The following PTPRK variants were observed in gnomAD, a reference collection of about 807,000 sequenced individuals.
PTPRK encodes protein tyrosine phosphatase receptor type K, also known as receptor-type tyrosine-protein phosphatase kappa.
A neutral mutation model predicts 178.0 loss-of-function variants in PTPRK; 75 were observed. The observed-to-expected ratio is 0.42, with a 90% CI of 0.35 to 0.51. The LOEUF (loss-of-function observed/expected upper bound fraction) is 0.51, where lower values mean the gene tolerates loss of function less well. Among genes scored for constraint, PTPRK ranks in the 20% least tolerant of loss-of-function variants. PTPRK has a pLI of 0.02. For synonymous variants in PTPRK, 637 were observed against 620.6 expected (o/e 1.03, Z -0.39); for missense variants, 1,441 against 1,797.8 (o/e 0.80, Z 3.59).
intron 6 of PTPRK, among the ~76,000 whole-genome samples, chr6:128,190,191 T>C (rs377099603): frequency 4.3e-4 from 66 of 152,282 alleles, no homozygotes; most frequent in African/African-American, 1.5e-3. Flanking sequence ...AGGTTTCTCC[T>C]ACACTGCCAG....
chr6:128,233,404 C>T (rs891723345), intron 5 of PTPRK, among the ~76,000 whole-genome samples: 3 of 152,226 alleles, frequency 2.0e-5, no homozygotes, highest in African/African-American at 2.4e-5. Flanking sequence ...ACAGGTAACG[C>T]ACTATGTGGT....
intron 3 of PTPRK, 80 bp from the exon 4 acceptor site, chr6:128,242,682 G>A: frequency 6.6e-7 from 1 of 1,511,600 alleles, no homozygotes; most frequent in Non-Finnish European, 8.8e-7. Flanking sequence ...CTAAATATAT[G>A]CAAAAGTAAA....
At chr6:128,204,852 T>C (rs1806637824) in intron 6 of PTPRK, among the ~76,000 whole-genome samples, 1 of 152,182 alleles carries the variant, frequency 6.6e-6, no homozygotes, top group African/African-American at 2.4e-5. Context: ...GAAGACAGTG[T>C]GGCAATTCCT....
At chr6:128,335,313 C>T (rs1830767734) in intron 2 of PTPRK, among the ~76,000 whole-genome samples, 1 of 151,924 alleles carries the variant, frequency 6.6e-6, no homozygotes, top group Admixed American at 6.6e-5. Flanking sequence ...CAAAGGAAAA[C>T]ATCTTTTCAT....
rs183939165 is a variant in PTPRK, at chr6:128,412,028, T to A, written c.101-14340A>T. Among the ~76,000 whole-genome samples the A allele has an allele frequency of 5.7e-3, 863 of 152,368 alleles. 5 individuals are homozygous for A. The highest frequency in any genetic ancestry group is 8.5e-3 in the Non-Finnish European group (581 of 68,034). ...TTCATAATGTCTAAATAATACTGTT[T>A]GTTTTCCTCTGTATGTGTGTAAAAT... On this transcript the variant is annotated intron_variant, in intron 1 of 29. Transcript: ENST00000368226.
At chr6:128,193,688 TAAG>T (rs1389817229) in intron 6 of PTPRK, among the ~76,000 whole-genome samples, 1 of 152,180 alleles carries the variant, frequency 6.6e-6, no homozygotes, top group Non-Finnish European at 1.5e-5. Flanking sequence ...AGTGCTGAAA[TAAG>T]AAGAATCATT....
At chr6:127,974,751 T>C (rs1774332908) in intron 27 of PTPRK, among the ~76,000 whole-genome samples, 1 of 152,224 alleles carries the variant, frequency 6.6e-6, no homozygotes, top group Non-Finnish European at 1.5e-5. Flanking sequence ...ACAAAAAGGA[T>C]TATACAATTT....
intron 3 of PTPRK, among the ~76,000 whole-genome samples, chr6:128,254,667 T>C (rs1167275660): frequency 6.6e-6 from 1 of 152,100 alleles, no homozygotes; most frequent in East Asian, 1.9e-4. Context: ...TGTAAGACTT[T>C]AAGAATCTTG....
At chr6:128,005,056 T>C (rs1435801722) in intron 15 of PTPRK, 28 bp downstream of exon 15, 3 of 1,577,418 alleles carry the variant, frequency 1.9e-6, no homozygotes, top group South Asian at 2.3e-5. Context: ...TGTAACATCA[T>C]TTATTAAAAT....
intron 1 of PTPRK, 132 bp downstream of exon 1, chr6:128,520,127 A>C: frequency 1.3e-6 from 1 of 743,294 alleles, no homozygotes; most frequent in Non-Finnish European, 2.1e-6. Context: ...CCCTCCCTCT[A>C]CCCTGTGTTC....
At chr6:128,092,908 C>A (rs532241352) in intron 7 of PTPRK, among the ~76,000 whole-genome samples, 45 of 152,070 alleles carry the variant, frequency 3.0e-4, no homozygotes, top group South Asian at 8.3e-4. Context: ...CATAGAATAA[C>A]CGAAAGCAAA....
chr6:128,192,313 A>G (rs1225625724), intron 6 of PTPRK, among the ~76,000 whole-genome samples: 1 of 152,204 alleles, frequency 6.6e-6, no homozygotes, highest in Non-Finnish European at 1.5e-5. Context: ...AAAAGTTAAT[A>G]GCAGTGACCA....
chr6:128,214,544 CATT>C (rs369013218), intron 6 of PTPRK, among the ~76,000 whole-genome samples: 2,607 of 149,976 alleles, frequency 0.017, 39 homozygotes, highest in African/African-American at 0.041. Flanking sequence ...ACCAGTGATG[CATT>C]ATTATTATTA....
At chr6:128,458,301 A>G (rs1343366129) in intron 1 of PTPRK, among the ~76,000 whole-genome samples, 3 of 152,216 alleles carry the variant, frequency 2.0e-5, no homozygotes, top group African/African-American at 7.2e-5. Context: ...ATCATCTGAC[A>G]GGGATTGCTT....
chr6:128,031,827 G>A (rs1775386001), intron 13 of PTPRK, among the ~76,000 whole-genome samples: 3 of 151,706 alleles, frequency 2.0e-5, no homozygotes, highest in Non-Finnish European at 2.9e-5. Context: ...GAGATGCACT[G>A]CCTCCTACAC....
At chr6:128,363,897 C>T (rs943210552) in intron 2 of PTPRK, among the ~76,000 whole-genome samples, 3 of 152,112 alleles carry the variant, frequency 2.0e-5, no homozygotes, top group Non-Finnish European at 2.9e-5. Context: ...TGACAGAAGA[C>T]GCCCTTCCAA....
intron 1 of PTPRK, among the ~76,000 whole-genome samples, chr6:128,518,649 G>A (rs931609458): frequency 5.3e-5 from 8 of 152,170 alleles, no homozygotes; most frequent in African/African-American, 1.2e-4. Context: ...CATCAAGCAC[G>A]GTTTCAATGC....
chr6:127,985,266 A>C (rs947239076), intron 22 of PTPRK, among the ~76,000 whole-genome samples: 5 of 152,194 alleles, frequency 3.3e-5, no homozygotes, highest in African/African-American at 4.8e-5. Context: ...TCTTTAAAAA[A>C]AATTTTTAAA....
chr6:128,408,183 TTCGAGACCAGCCTG>T (rs1209975377), intron 1 of PTPRK, among the ~76,000 whole-genome samples: 11 of 151,890 alleles, frequency 7.2e-5, no homozygotes, highest in Admixed American at 6.5e-4. Context: ...AGGTCAGGAG[TTCGAGACCAGCCTG>T]GCCAACATGG....
Sources: gnomAD v4.1 joint callset for allele counts (sites outside exome capture counted in the v4.1 genomes callset) on GRCh38, gnomAD v4.1.1 for gene constraint, MANE v1.5 for transcripts, NCBI Gene and HGNC (gene_info 2026-07-23, HGNC 2026-07-21) for gene names.